The following RSU1 variants were observed in gnomAD, a reference collection of about 807,000 sequenced individuals.
The protein encoded by RSU1 is Ras suppressor protein 1, also known as rsu-1.
A neutral mutation model predicts 31.1 loss-of-function variants in RSU1; 26 were observed. The observed-to-expected ratio is 0.84, with a 90% CI of 0.61 to 1.16. The LOEUF is 1.16. RSU1 is among the 50% of genes most tolerant of loss of function. The pLI is 0.00. For missense variants in RSU1, 320 were observed against 339.1 expected (o/e 0.94, Z 0.44); for synonymous variants, 164 against 136.3 (o/e 1.20, Z -1.41).
chr10:16,816,906 G>A, intron 2 of RSU1, 67 bp downstream of exon 2: 1 of 1,095,888 alleles, frequency 9.1e-7, no homozygotes, highest in African/African-American at 1.5e-5. Context: ...AGCAGGACCA[G>A]CAGTGAATTG....
At chr10:16,804,875 G>GT (rs1156926381) in intron 2 of RSU1, among the ~76,000 whole-genome samples, 1 of 152,142 alleles carries the variant, frequency 6.6e-6, no homozygotes, top group Admixed American at 6.5e-5. Context: ...TTAGAGCAGT[G>GT]TAACTGTTCC....
At chr10:16,783,929 G>A (rs544764525) in intron 2 of RSU1, among the ~76,000 whole-genome samples, 5 of 152,240 alleles carry the variant, frequency 3.3e-5, no homozygotes, top group African/African-American at 1.2e-4. Context: ...TTATTTTAGG[G>A]AAGAAATAGG....
In RSU1 at chr10:16,795,333, G is replaced by A. The variant is rs1432470389; in HGVS notation, c.110-13249C>T. 1.3e-4 allele frequency among the ~76,000 whole-genome samples: 17 copies of A among 127,954 alleles called. No homozygotes were observed. The East Asian group carries it at 1.6e-3, about 12-fold the overall frequency. The allele number at this position is 127,954 out of a possible 152,430, so 83.9% of individuals were successfully genotyped here. On this transcript the variant is annotated intron_variant, in intron 2 of 8. Coordinates refer to ENST00000345264, the MANE Select transcript of RSU1 (RefSeq NM_012425.4). Reference sequence around the variant, plus strand: ...CGCGCCACTGCACCCAAGCCTGGGCGACAGAGTGAGACTCCATCTCAAAAA... The same window carrying A: ...CGCGCCACTGCACCCAAGCCTGGGCAACAGAGTGAGACTCCATCTCAAAAA...
intron 8 of RSU1, among the ~76,000 whole-genome samples, chr10:16,634,564 A>G (rs1449877338): frequency 1.3e-5 from 2 of 152,234 alleles, no homozygotes; most frequent in Non-Finnish European, 2.9e-5. Context: ...TAGCAGCCTC[A>G]TCCTTTTGCC....
At chr10:16,629,339 G>C (rs980376994) in intron 8 of RSU1, among the ~76,000 whole-genome samples, 1 of 152,084 alleles carries the variant, frequency 6.6e-6, no homozygotes, top group South Asian at 2.1e-4. Flanking sequence ...GAACAGGACC[G>C]AACTGCCAAT....
intron 8 of RSU1, among the ~76,000 whole-genome samples, chr10:16,620,122 A>G (rs140925690): frequency 2.1e-3 from 316 of 152,282 alleles, no homozygotes; most frequent in African/African-American, 7.1e-3. Context: ...CAGAATAGCA[A>G]TGTCAGTGGT....
At chr10:16,699,629 G>A (rs1461635538) in intron 7 of RSU1, among the ~76,000 whole-genome samples, 3 of 152,190 alleles carry the variant, frequency 2.0e-5, no homozygotes, top group Non-Finnish European at 4.4e-5. Context: ...GCGGCGCTCT[G>A]GTGGTGTTCT....
chr10:16,721,661 C>T (rs2131590522), intron 7 of RSU1: 1 of 152,360 alleles, frequency 6.6e-6, no homozygotes, highest in Non-Finnish European at 1.5e-5. Flanking sequence ...CGCTCATTCT[C>T]TTGCATTGCA....
At chr10:16,608,561 G>A (rs962674025) in intron 8 of RSU1, among the ~76,000 whole-genome samples, 1 of 152,078 alleles carries the variant, frequency 6.6e-6, no homozygotes, top group African/African-American at 2.4e-5. Context: ...TCTCTTTGAA[G>A]TGGCAAATAC....
intron 8 of RSU1, among the ~76,000 whole-genome samples, chr10:16,690,074 G>C (rs1174127509): frequency 2.1e-4 from 32 of 152,202 alleles, no homozygotes; most frequent in Admixed American, 2.1e-3. Flanking sequence ...AATGTGCAAA[G>C]TGTGAGTTAC....
At chr10:16,707,723 T>C (rs754644589) in intron 7 of RSU1, among the ~76,000 whole-genome samples, 10 of 152,178 alleles carry the variant, frequency 6.6e-5, no homozygotes, top group Non-Finnish European at 1.2e-4. Flanking sequence ...TAATTTGATG[T>C]AATCTTGTTT....
chr10:16,814,537 G>A lies in RSU1; in HGVS notation c.109+2436C>T, dbSNP rs56202334. Among the ~76,000 whole-genome samples, 1,271 of 151,514 alleles carry A rather than the reference G, an allele frequency of 8.4e-3. 18 individuals are homozygous for A. Among genetic ancestry groups the A allele is most frequent in the African/African-American group, 0.029 (1,180 of 41,214 alleles). ...GTATTTTAATACTTGTATATATTAA[G>A]CACTGTGTCAGTGTGTGTGCACTGC... is the stretch of plus-strand genomic sequence containing the variant. On this transcript the variant is annotated intron_variant, in intron 2 of 8. Coordinates refer to ENST00000345264, the MANE Select transcript of RSU1 (RefSeq NM_012425.4).
At chr10:16,632,175 T>C (rs1463163012) in intron 8 of RSU1, among the ~76,000 whole-genome samples, 1 of 152,028 alleles carries the variant, frequency 6.6e-6, no homozygotes, top group Non-Finnish European at 1.5e-5. Context: ...ACCTCACATG[T>C]TTTTTCAAAA....
chr10:16,696,988 T>C (rs1375531402), intron 7 of RSU1, among the ~76,000 whole-genome samples: 1 of 152,210 alleles, frequency 6.6e-6, no homozygotes, highest in South Asian at 2.1e-4. Flanking sequence ...AATTCCTTCA[T>C]GGTTTTTTTC....
At chr10:16,660,724 G>A (rs1164971028) in intron 8 of RSU1, among the ~76,000 whole-genome samples, 1 of 140,866 alleles carries the variant, frequency 7.1e-6, no homozygotes, top group East Asian at 2.3e-4. Context: ...TAGGCTCACT[G>A]CAACTTCCAC....
intron 3 of RSU1, among the ~76,000 whole-genome samples, chr10:16,780,329 C>T (rs2131644768): frequency 6.6e-6 from 1 of 152,300 alleles, no homozygotes; most frequent in South Asian, 2.1e-4. Flanking sequence ...GTCATCATGG[C>T]TCACTGCAAC....
chr10:16,700,319 G>A (rs1835764411), intron 7 of RSU1, among the ~76,000 whole-genome samples: 2 of 151,878 alleles, frequency 1.3e-5, no homozygotes, highest in Non-Finnish European at 2.9e-5. Flanking sequence ...AAATATCTAA[G>A]ATTGTGGTCT....
At chr10:16,600,945 T>C (rs1384724937) in intron 8 of RSU1, among the ~76,000 whole-genome samples, 4 of 152,138 alleles carry the variant, frequency 2.6e-5, no homozygotes, top group African/African-American at 4.8e-5. Flanking sequence ...TCATATCCCT[T>C]TGCTGCAGCA....
intron 7 of RSU1, among the ~76,000 whole-genome samples, chr10:16,702,437 A>G (rs1399194620): frequency 6.6e-6 from 1 of 152,246 alleles, no homozygotes; most frequent in Non-Finnish European, 1.5e-5. Context: ...GAGCAGTCAC[A>G]GGAGCTAAAC....
Sources: gnomAD v4.1 joint callset for allele counts (sites outside exome capture counted in the v4.1 genomes callset) on GRCh38, gnomAD v4.1.1 for gene constraint, MANE v1.5 for transcripts, NCBI Gene and HGNC (gene_info 2026-07-23, HGNC 2026-07-21) for gene names.